RYR2: variants seen among roughly 807,000 people sequenced by gnomAD.
RYR2 encodes ryanodine receptor 2.
RYR2 carries 227 observed loss-of-function variants against 601.1 expected under a neutral mutation model. The ratio of observed to expected loss-of-function variants is 0.38; its 90% CI spans 0.34 to 0.42. The LOEUF is 0.42. Among genes scored for constraint, RYR2 ranks in the 10% least tolerant of loss-of-function variants. The pLI is 1.00. For missense variants in RYR2, 4,646 were observed against 6,156.5 expected (o/e 0.75, Z 8.21); for synonymous variants, 2,223 against 2,175.1 (o/e 1.02, Z -0.61).
In RYR2 at chr1:237,172,288, A is replaced by G. The variant is rs146870333; in HGVS notation, c.49-98209A>G. On this transcript the variant is annotated intron_variant, in intron 1 of 104. Coordinates refer to ENST00000366574, the MANE Select transcript of RYR2 (RefSeq NM_001035.3). ...AGCTCATTATGCTTCCTAGGCTTGG[A>G]TCCAGACAGACAAGGTTTTATCATT... 2.2e-3 allele frequency among the ~76,000 whole-genome samples: 330 copies of G among 152,240 alleles called. 1 individual carries two copies. The highest frequency in any genetic ancestry group is 7.6e-3 in the African/African-American group (316 of 41,538).
intron 34 of RYR2, among the ~76,000 whole-genome samples, chr1:237,600,422 C>T (rs1232598094): frequency 1.3e-5 from 2 of 152,150 alleles, no homozygotes; most frequent in African/African-American, 4.8e-5. Flanking sequence ...AATTGGACCC[C>T]TATTTTTCAC....
At chr1:237,803,511 A>G (rs573141727) in intron 98 of RYR2, among the ~76,000 whole-genome samples, 25 of 152,192 alleles carry the variant, frequency 1.6e-4, no homozygotes, top group Admixed American at 3.3e-4. Flanking sequence ...CATGTTAGCC[A>G]GGATGGTCTC....
At chr1:237,200,797 A>G (rs1175423725) in intron 1 of RYR2, among the ~76,000 whole-genome samples, 2 of 152,224 alleles carry the variant, frequency 1.3e-5, no homozygotes, top group African/African-American at 4.8e-5. Context: ...TTTTGAGTGC[A>G]TATTTCTTTG....
At position 237,569,202 on chromosome 1, in the gene RYR2, G is replaced by C. The variant is rs372761438; in HGVS notation, c.3481G>C (p.Val1161Leu). 73 of 1,613,862 alleles carry C rather than the reference G, an allele frequency of 4.5e-5. No homozygotes were observed. The highest frequency in any genetic ancestry group is 6.0e-5 in the Non-Finnish European group (71 of 1,179,886). The change falls in exon 29 of 105, where the codon GTC becomes CTC. Residue 1161 changes from valine to leucine, a missense_variant. Transcript: ENST00000366574. ...TGGGCGCTCTTGGCAAGCAGGCGAT[G>C]TCGTGGGGTGTATGGTTGACATGAA... ...HYGRSWQAGD[V>L]VGCMVDMNEH...
At chr1:237,652,978 T>C (rs939701) in intron 51 of RYR2, among the ~76,000 whole-genome samples, 39,918 of 152,070 alleles carry the variant, frequency 0.26, 5,705 homozygotes, top group East Asian at 0.53. Context: ...TTATAATTTA[T>C]TTTCTTCGTT....
chr1:237,501,268 T>G (rs1664610451), intron 21 of RYR2, among the ~76,000 whole-genome samples: 1 of 152,114 alleles, frequency 6.6e-6, no homozygotes, highest in Non-Finnish European at 1.5e-5. Context: ...TTCATTTTCC[T>G]TTTTTAAGAC....
intron 17 of RYR2, among the ~76,000 whole-genome samples, chr1:237,476,221 T>A (rs1010206670): frequency 6.6e-6 from 1 of 151,822 alleles, no homozygotes; most frequent in East Asian, 1.9e-4. Context: ...AAAGAAGGAG[T>A]CTTTGAGGCT....
intron 88 of RYR2, among the ~76,000 whole-genome samples, chr1:237,780,629 T>C (rs896747034): frequency 6.6e-6 from 1 of 152,198 alleles, no homozygotes. Context: ...AATATGTCTT[T>C]GAAAAAGAAT....
At chr1:237,410,573 T>A (rs1704350470) in intron 10 of RYR2, among the ~76,000 whole-genome samples, 1 of 152,168 alleles carries the variant, frequency 6.6e-6, no homozygotes, top group African/African-American at 2.4e-5. Context: ...ATCCTATTTT[T>A]AAAAACATAT....
At chr1:237,640,541 T>G (rs549790237) in intron 46 of RYR2, among the ~76,000 whole-genome samples, 2 of 152,302 alleles carry the variant, frequency 1.3e-5, no homozygotes, top group Admixed American at 6.5e-5. Flanking sequence ...GTGTGCCACT[T>G]ACAGAAATAG....
At position 237,334,006 on chromosome 1, in the gene RYR2, T is replaced by G. The variant is rs1177280971; in HGVS notation, c.273+3024T>G. The stretch of plus-strand genomic sequence containing the variant: ...ATTTAATAATTCTTCTTTAATTTCT[T>G]ACGTAATTCAGTAAATTAAACAATA... On this transcript the variant is annotated intron_variant, in intron 3 of 104. Coordinates refer to ENST00000366574, the MANE Select transcript of RYR2 (RefSeq NM_001035.3). Among the ~76,000 whole-genome samples the G allele has an allele frequency of 2.0e-5, 3 of 152,198 alleles. No homozygotes were observed. In the East Asian group the frequency reaches 5.8e-4, roughly 29 times the overall value.
At chr1:237,050,515 A>G (rs1661122365) in intron 1 of RYR2, among the ~76,000 whole-genome samples, 1 of 152,182 alleles carries the variant, frequency 6.6e-6, no homozygotes, top group African/African-American at 2.4e-5. Flanking sequence ...TTTTTCTACT[A>G]TGGCAAGCAC....
At chr1:237,730,777 G>C (rs1690611095) in intron 77 of RYR2, among the ~76,000 whole-genome samples, 1 of 152,118 alleles carries the variant, frequency 6.6e-6, no homozygotes, top group Non-Finnish European at 1.5e-5. Context: ...GAGAATGATA[G>C]ACTGAACACA....
chr1:237,104,810 T>C (rs1297802480), intron 1 of RYR2, among the ~76,000 whole-genome samples: 1 of 152,200 alleles, frequency 6.6e-6, no homozygotes, highest in African/African-American at 2.4e-5. Flanking sequence ...TGTACCGAGT[T>C]TGCAAGCACA....
rs1417305977 is a variant in RYR2 at position 237,148,521 on chromosome 1, A to AT, written c.48+105952_48+105953insT. 6.2e-3 allele frequency among the ~76,000 whole-genome samples: 271 copies of AT among 43,746 alleles called. 2 individuals are homozygous for AT. Among genetic ancestry groups the AT allele is most frequent in the South Asian group, 0.033 (25 of 758 alleles). 28.7% of individuals were successfully genotyped at this position (43,746 alleles called of 152,430 possible). ...TGTATCCCAGAACTTCAAGTAAAAA[A>AT]AAAAAAATATATATATATATATATA... On this transcript the variant is annotated intron_variant, in intron 1 of 104. Transcript: ENST00000366574.
Position 237,060,215 on chromosome 1 carries a change from A to G in RYR2, c.48+17646A>G, listed in dbSNP as rs1662669114. 2.6e-5 allele frequency among the ~76,000 whole-genome samples: 4 copies of G among 152,170 alleles called. No homozygotes were observed. The South Asian group carries it at 8.3e-4, about 31-fold the overall frequency. On this transcript the variant is annotated intron_variant, in intron 1 of 104. Coordinates refer to ENST00000366574, the MANE Select transcript of RYR2 (RefSeq NM_001035.3). ...TATATAAAATTATATGATTACTACC[A>G]TTATCATGATTATGTTCTTAGCCTT...
At position 237,319,512 on chromosome 1, in the gene RYR2, A is replaced by G. The variant is rs371268969; in HGVS notation, c.169-11366A>G. Among the ~76,000 whole-genome samples, 15 of 152,238 alleles carry G rather than the reference A, an allele frequency of 9.9e-5. No individual in the cohort carries two copies. In the East Asian group the frequency reaches 1.5e-3, roughly 16 times the overall value. ...AAATTGTCTGAGCTGAGTCTGTGAC[A>G]TGTCTCTCCTTGATGGGTGGCCAAT... On this transcript the variant is annotated intron_variant, in intron 2 of 104. Transcript: ENST00000366574.
intron 7 of RYR2, 85 bp from the exon 8 acceptor site, chr1:237,377,238 G>T: frequency 2.2e-6 from 2 of 898,872 alleles, no homozygotes; most frequent in South Asian, 2.0e-5. Context: ...ATTTCTGAAA[G>T]TTGTGTGTTG....
chr1:237,496,272 G>C (rs1456782000), intron 19 of RYR2, among the ~76,000 whole-genome samples: 1 of 152,164 alleles, frequency 6.6e-6, no homozygotes, highest in Non-Finnish European at 1.5e-5. Context: ...GTTGGGCGTG[G>C]TGGCACTCGC....
Sources: gnomAD v4.1 joint callset for allele counts (sites outside exome capture counted in the v4.1 genomes callset) on GRCh38, gnomAD v4.1.1 for gene constraint, MANE v1.5 for transcripts, NCBI Gene and HGNC (gene_info 2026-07-23, HGNC 2026-07-21) for gene names.